Variants in ACVR2A observed in about 807,000 individuals in gnomAD.
ACVR2A encodes activin receptor type-2A.
In ACVR2A, 7 loss-of-function variants were observed where a neutral mutation model predicts 61.4. That is an observed-to-expected ratio of 0.11 (90% CI 0.06 to 0.21). The LOEUF (loss-of-function observed/expected upper bound fraction) is 0.21, where lower values mean the gene tolerates loss of function less well. Ranked by LOEUF, ACVR2A falls within the 10% of genes least tolerant of loss-of-function variation. The pLI is 1.00. For missense variants in ACVR2A, 322 were observed against 621.7 expected, an observed-to-expected ratio of 0.52 and a Z score of 5.13; for synonymous variants, 193 against 208.3, an observed-to-expected ratio of 0.93 and a Z score of 0.63.
intron 4 of ACVR2A, among the ~76,000 whole-genome samples, chr2:147,914,833 G>A (rs1573706087): frequency 6.6e-6 from 1 of 151,816 alleles, no homozygotes; most frequent in South Asian, 2.1e-4. Context: ...CATCCTCCTC[G>A]AAGTACACAC....
At chr2:147,855,282 C>T (rs1685544300) in intron 1 of ACVR2A, among the ~76,000 whole-genome samples, 1 of 152,144 alleles carries the variant, frequency 6.6e-6, no homozygotes. Context: ...CAGTTTCTGG[C>T]ACAGAGGCGA....
chr2:147,896,561 C>T, intron 2 of ACVR2A, 53 bp downstream of exon 2: 1 of 1,544,798 alleles, frequency 6.5e-7, no homozygotes. Flanking sequence ...TCACACTTCC[C>T]CTCTTTTTGA....
At chr2:147,919,502 G>A (rs7601727) in intron 7 of ACVR2A, among the ~76,000 whole-genome samples, 152,246 of 152,258 alleles carry the variant, frequency 1, 76,117 homozygotes, top group Middle Eastern at 1. Flanking sequence ...GGGAGTGTCT[G>A]CTTGTGCTTT....
chr2:147,865,980 T>C (rs1685843329), intron 1 of ACVR2A, among the ~76,000 whole-genome samples: 1 of 152,128 alleles, frequency 6.6e-6, no homozygotes, highest in South Asian at 2.1e-4. Context: ...AGGAATATTT[T>C]ATGTTTTCTC....
chr2:147,874,099 T>C (rs1202226224), intron 1 of ACVR2A, among the ~76,000 whole-genome samples: 1 of 151,974 alleles, frequency 6.6e-6, no homozygotes, highest in Non-Finnish European at 1.5e-5. Flanking sequence ...GGCAGAATAC[T>C]ATATCAGAAT....
chr2:147,863,985 G>A (rs1685791041), intron 1 of ACVR2A, among the ~76,000 whole-genome samples: 1 of 152,150 alleles, frequency 6.6e-6, no homozygotes, highest in South Asian at 2.1e-4. Flanking sequence ...TCATGTAGAA[G>A]AAAACAAATC....
intron 1 of ACVR2A, among the ~76,000 whole-genome samples, chr2:147,892,844 T>C (rs1686621185): frequency 6.6e-6 from 1 of 152,108 alleles, no homozygotes; most frequent in Non-Finnish European, 1.5e-5. Flanking sequence ...TGTTTTTCTT[T>C]GATATCATAC....
intron 1 of ACVR2A, among the ~76,000 whole-genome samples, chr2:147,892,660 A>G (rs891260253): frequency 2.0e-5 from 3 of 151,782 alleles, no homozygotes; most frequent in Admixed American, 2.0e-4. Flanking sequence ...GTAAAATTAC[A>G]GTCTCTTAAT....
intron 1 of ACVR2A, among the ~76,000 whole-genome samples, chr2:147,858,180 TC>T: frequency 6.6e-6 from 1 of 152,324 alleles, no homozygotes; most frequent in African/African-American, 2.4e-5. Context: ...AAATTATTTT[TC>T]TTCTCTCCTA....
intron 1 of ACVR2A, among the ~76,000 whole-genome samples, chr2:147,859,808 T>C (rs1316630418): frequency 6.6e-6 from 1 of 152,176 alleles, no homozygotes; most frequent in Non-Finnish European, 1.5e-5. Flanking sequence ...GTTAACTGTT[T>C]TACAGATGAG....
chr2:147,888,802 C>T (rs1686507738), intron 1 of ACVR2A, among the ~76,000 whole-genome samples: 1 of 151,556 alleles, frequency 6.6e-6, no homozygotes. Context: ...CTTTTCCTTG[C>T]CTTATTGCAG....
intron 1 of ACVR2A, among the ~76,000 whole-genome samples, chr2:147,850,964 G>A (rs541484225): frequency 1.1e-4 from 16 of 152,200 alleles, no homozygotes; most frequent in African/African-American, 3.6e-4. Flanking sequence ...GAATGTGGTC[G>A]TAGAGGTTGG....
At chr2:147,892,819 T>A (rs1686620249) in intron 1 of ACVR2A, among the ~76,000 whole-genome samples, 1 of 152,024 alleles carries the variant, frequency 6.6e-6, no homozygotes, top group Non-Finnish European at 1.5e-5. Context: ...TAATAATTTT[T>A]TTTTTTGGTG....
At position 147,845,142 on chromosome 2, in the gene ACVR2A, G is replaced by T. The variant is rs758091942; in HGVS notation, c.-11G>T. On this transcript the variant is annotated 5_prime_UTR_variant, in exon 1 of 11. Coordinates refer to ENST00000241416, the MANE Select transcript of ACVR2A (RefSeq NM_001616.5). ...GAGAACTTCCTCCGGATTCCCCGGC[G>T]CCTCGGGAAAATGGGAGCTGCTGCA... The T allele has an allele frequency of 6.2e-7, 1 of 1,611,898 alleles. No individual in the cohort carries two copies. Among genetic ancestry groups the T allele is most frequent in the African/African-American group, 1.3e-5 (1 of 74,534 alleles).
chr2:147,853,370 A>G (rs909385021), intron 1 of ACVR2A, among the ~76,000 whole-genome samples: 8 of 152,130 alleles, frequency 5.3e-5, no homozygotes, highest in South Asian at 4.1e-4. Context: ...ATGATGGTCA[A>G]ATTTCAGTAA....
chr2:147,847,904 G>T (rs1685353740), intron 1 of ACVR2A, among the ~76,000 whole-genome samples: 1 of 152,198 alleles, frequency 6.6e-6, no homozygotes, highest in Non-Finnish European at 1.5e-5. Flanking sequence ...TTAGTACTTA[G>T]ATTTATCCTA....
At chr2:147,850,557 G>A (rs1460977976) in intron 1 of ACVR2A, among the ~76,000 whole-genome samples, 1 of 152,104 alleles carries the variant, frequency 6.6e-6, no homozygotes, top group African/African-American at 2.4e-5. Flanking sequence ...CTAGAACCAA[G>A]AGTATATTTA....
At position 147,899,805 on chromosome 2, in the gene ACVR2A, G is replaced by T. The variant is rs773715403; in HGVS notation, c.435G>T (p.Val145=). 9.9e-6 allele frequency: 16 copies of T among 1,613,730 alleles called. No individual in the cohort carries two copies. The highest frequency in any genetic ancestry group is 1.3e-5 in the Non-Finnish European group (15 of 1,179,782). ...ACAACATCCTGCTCTATTCCTTGGT[G>T]CCACTTATGTTAATTGCGGGGATTG... The part of the protein sequence containing the change: ...PYYNILLYSL[V]PLMLIAGIVI... Residue 145 remains valine (V), a synonymous_variant, in exon 4 of 11, where the codon GTG becomes GTT. Transcript: ENST00000241416.
chr2:147,885,041 G>A (rs1686393948), intron 1 of ACVR2A, among the ~76,000 whole-genome samples: 1 of 152,022 alleles, frequency 6.6e-6, no homozygotes. Flanking sequence ...ACAGTTCTGT[G>A]TCTCCTTAAT....
Sources: allele counts gnomAD v4.1 joint callset (sites outside exome capture counted in the v4.1 genomes callset), GRCh38; gene constraint gnomAD v4.1.1; transcripts MANE v1.5; gene names NCBI Gene and HGNC (gene_info 2026-07-23, HGNC 2026-07-21).